The following PKHD1 variants were observed in gnomAD, a reference collection of about 807,000 sequenced individuals.
The protein encoded by PKHD1 is fibrocystin.
In PKHD1, 291 loss-of-function variants were observed where a neutral mutation model predicts 412.0. The observed-to-expected ratio is 0.71, with a 90% CI of 0.64 to 0.78. The LOEUF (loss-of-function observed/expected upper bound fraction) is 0.78. Ranked by LOEUF, PKHD1 falls within the 30% of genes least tolerant of loss-of-function variation. The pLI is 0.00. For missense variants in PKHD1, 4,825 were observed against 4,950.7 expected (o/e 0.97, Z 0.76); for synonymous variants, 1,777 against 1,821.5 (o/e 0.98, Z 0.62).
intron 60 of PKHD1, among the ~76,000 whole-genome samples, chr6:51,726,777 T>C (rs1275364441): frequency 1.3e-5 from 2 of 152,208 alleles, no homozygotes; most frequent in Non-Finnish European, 2.9e-5. Context: ...CTTACTTTTT[T>C]TATTTCAACT....
rs372453627 is a variant in PKHD1, at chr6:51,821,140, T to A, written c.8302+9721A>T. ...CCTTGGTAACACTCCTCAAAGAATA[T>A]TAATTCCATGAGACAAAGTTCTTAG... On this transcript the variant is annotated intron_variant, in intron 52 of 66. Coordinates refer to ENST00000371117, the MANE Select transcript of PKHD1 (RefSeq NM_138694.4). Among the ~76,000 whole-genome samples the A allele has an allele frequency of 7.9e-5, 12 of 152,178 alleles. No individual in the cohort carries two copies. In the East Asian group the frequency reaches 1.5e-3, roughly 20 times the overall value.
At chr6:51,829,007 C>T (rs1767799440) in intron 52 of PKHD1, among the ~76,000 whole-genome samples, 1 of 152,122 alleles carries the variant, frequency 6.6e-6, no homozygotes, top group African/African-American at 2.4e-5. Flanking sequence ...ATATTACACA[C>T]CTGTTTTTCA....
chr6:51,779,507 C>T (rs952062674), intron 53 of PKHD1, among the ~76,000 whole-genome samples: 11 of 152,008 alleles, frequency 7.2e-5, no homozygotes, highest in African/African-American at 2.4e-4. Context: ...TCTCAGTGAG[C>T]GCAAGAAGAA....
intron 52 of PKHD1, among the ~76,000 whole-genome samples, chr6:51,826,055 T>C (rs1167312418): frequency 6.6e-6 from 1 of 152,140 alleles, no homozygotes; most frequent in East Asian, 1.9e-4. Flanking sequence ...AAAAGGTGAA[T>C]GAAGTCAATA....
intron 43 of PKHD1, among the ~76,000 whole-genome samples, chr6:51,895,911 G>A (rs1440188889): frequency 6.6e-6 from 1 of 151,976 alleles, no homozygotes; most frequent in Non-Finnish European, 1.5e-5. Flanking sequence ...GTGATGGACG[G>A]CACCTGGAAA....
At chr6:51,807,212 A>C (rs570773012) in intron 52 of PKHD1, among the ~76,000 whole-genome samples, 3 of 150,270 alleles carry the variant, frequency 2.0e-5, no homozygotes, top group Admixed American at 1.3e-4. Context: ...TTGATCACTG[A>C]GGTCAGGAGC....
chr6:51,970,900 T>C (rs1461234639), intron 35 of PKHD1, among the ~76,000 whole-genome samples: 4 of 152,226 alleles, frequency 2.6e-5, no homozygotes, highest in African/African-American at 9.6e-5. Context: ...TCCAGCTTTG[T>C]TCTTTTTGCT....
chr6:51,713,822 C>A (rs768296683), intron 60 of PKHD1, among the ~76,000 whole-genome samples: 1 of 152,146 alleles, frequency 6.6e-6, no homozygotes, highest in Non-Finnish European at 1.5e-5. Context: ...ATGATACACT[C>A]CCCTAACAGA....
chr6:51,706,798 T>C (rs973408617), intron 60 of PKHD1, among the ~76,000 whole-genome samples: 4 of 152,134 alleles, frequency 2.6e-5, no homozygotes, highest in African/African-American at 9.7e-5. Flanking sequence ...CGAAGTACCA[T>C]TAGCTTTTAT....
chr6:51,852,787 T>G (rs1772539765), intron 49 of PKHD1, among the ~76,000 whole-genome samples: 1 of 152,096 alleles, frequency 6.6e-6, no homozygotes, highest in Admixed American at 6.5e-5. Flanking sequence ...CCCTTTATTT[T>G]GAGCCTGTGT....
rs77036429 is a variant in PKHD1, at chr6:51,616,415, C to A, written c.*2666G>T. On this transcript the variant is annotated 3_prime_UTR_variant, in exon 67 of 67. Coordinates refer to ENST00000371117, the MANE Select transcript of PKHD1 (RefSeq NM_138694.4). ...ATATTTGCTGGGTTACCCATGTTAACGATCTGAATAAATTTAGAGTTGGCC... is the reference window on the plus strand; with the variant it reads ...ATATTTGCTGGGTTACCCATGTTAAAGATCTGAATAAATTTAGAGTTGGCC... The A allele has an allele frequency of 8.4e-6, 3 of 356,394 alleles. No individual in the cohort carries two copies. In the South Asian group the frequency reaches 4.5e-4, roughly 53 times the overall value. The allele number at this position is 356,394 out of a possible 1,614,324, so 22.1% of individuals were successfully genotyped here. A position where few individuals can be genotyped will look rare whatever the true frequency, so the allele number is the denominator to read the frequency against.
chr6:51,886,591 T>C (rs12206293), intron 44 of PKHD1, among the ~76,000 whole-genome samples: 8,331 of 152,118 alleles, frequency 0.055, 349 homozygotes, highest in Non-Finnish European at 0.09. Flanking sequence ...AAATCTAAAA[T>C]ATTCAAACTT....
chr6:52,064,966 G>A lies in PKHD1; in HGVS notation c.965C>T (p.Thr322Ile), dbSNP rs377464474. Residue 322 changes from threonine (T) to isoleucine (I), a missense_variant, in exon 13 of 67, where the codon ACC becomes ATC. Transcript: ENST00000371117. ...GGTGGCTTCCTTACCTGGCTGAGGG[G>A]TGGTGAGCCTCACATCTTTTCCTGG... Reference protein sequence around the residue: ...RAPGKDVRLTTPQPGNRGLLF... With the variant: ...RAPGKDVRLTIPQPGNRGLLF... 2.1e-5 allele frequency: 33 copies of A among 1,596,350 alleles called. No homozygotes were observed. The highest frequency in any genetic ancestry group is 2.7e-5 in the Non-Finnish European group (31 of 1,169,658).
intron 60 of PKHD1, among the ~76,000 whole-genome samples, chr6:51,668,113 C>T (rs1261153709): frequency 6.6e-6 from 1 of 152,200 alleles, no homozygotes; most frequent in East Asian, 1.9e-4. Context: ...GAGGATGGCA[C>T]TGAATCTGTA....
In PKHD1 at chr6:52,025,803, C is replaced by T. The variant is rs762277305; in HGVS notation, c.4007G>A (p.Cys1336Tyr). 6.2e-7 allele frequency: 1 copy of T among 1,614,202 alleles called. No individual in the cohort carries two copies. Among genetic ancestry groups the T allele is most frequent in the Non-Finnish European group, 8.5e-7 (1 of 1,180,040 alleles). Residue 1336 changes from cysteine to tyrosine, a missense_variant, in exon 32 of 67, where the codon TGT (cysteine) becomes TAT (tyrosine). Transcript: ENST00000371117. ...NSVILLGNLN[C>Y]DVETQSFQGN... ...CTGGAAGGACTGTGTCTCAACATCA[C>T]AGTTCAGGTTCCCCAGAAGGATGAC...
At chr6:51,766,932 T>C (rs184835026) in intron 55 of PKHD1, among the ~76,000 whole-genome samples, 2 of 152,254 alleles carry the variant, frequency 1.3e-5, no homozygotes, top group East Asian at 1.9e-4. Context: ...GAGCAGTCTT[T>C]ACTGCTTTAA....
intron 53 of PKHD1, among the ~76,000 whole-genome samples, chr6:51,779,331 C>T (rs1373299798): frequency 6.6e-6 from 1 of 152,088 alleles, no homozygotes; most frequent in Non-Finnish European, 1.5e-5. Context: ...TCACGGCCAA[C>T]TCTTACATAC....
chr6:51,699,547 T>C (rs575037444), intron 60 of PKHD1, among the ~76,000 whole-genome samples: 50 of 152,298 alleles, frequency 3.3e-4, no homozygotes, highest in Middle Eastern at 3.4e-3. Flanking sequence ...CTAAAAATTT[T>C]TGTTGAATAT....
chr6:51,726,037 T>C (rs1415941870), intron 60 of PKHD1, among the ~76,000 whole-genome samples: 1 of 152,216 alleles, frequency 6.6e-6, no homozygotes, highest in East Asian at 1.9e-4. Flanking sequence ...CACTGCTTCC[T>C]CTGCAAAATT....
Sources: allele counts gnomAD v4.1 joint callset (sites outside exome capture counted in the v4.1 genomes callset), GRCh38; gene constraint gnomAD v4.1.1; transcripts MANE v1.5; gene names NCBI Gene and HGNC (gene_info 2026-07-23, HGNC 2026-07-21).